Variants in AK5 observed in about 807,000 individuals in gnomAD.
The protein encoded by AK5 is adenylate kinase 5, also known as adenylate kinase isoenzyme 5.
AK5 carries 27 observed loss-of-function variants against 69.5 expected under a neutral mutation model. The ratio of observed to expected loss-of-function variants is 0.39; its 90% CI spans 0.29 to 0.54. The LOEUF is 0.54. Ranked by LOEUF, AK5 falls within the 20% of genes least tolerant of loss-of-function variation. AK5 has a pLI of 0.71. For missense variants in AK5, 531 were observed against 700.4 expected, an observed-to-expected ratio of 0.76 and a Z score of 2.73; for synonymous variants, 260 against 244.4, an observed-to-expected ratio of 1.06 and a Z score of -0.60.
chr1:77,462,570 G>A (rs535685008), intron 8 of AK5, among the ~76,000 whole-genome samples: 1 of 151,592 alleles, frequency 6.6e-6, no homozygotes, highest in East Asian at 1.9e-4. Context: ...TATAAAAATG[G>A]GATCACAGTA....
At chr1:77,335,471 G>T (rs1661300888) in intron 5 of AK5, among the ~76,000 whole-genome samples, 1 of 151,338 alleles carries the variant, frequency 6.6e-6, no homozygotes. Flanking sequence ...AGGATGCAAA[G>T]GATCTTATGA....
At chr1:77,351,636 C>T (rs1662206741) in intron 6 of AK5, among the ~76,000 whole-genome samples, 1 of 152,118 alleles carries the variant, frequency 6.6e-6, no homozygotes, top group Admixed American at 6.5e-5. Flanking sequence ...GCTGGGAAGC[C>T]ACAGCTATTG....
intron 3 of AK5, 39 bp downstream of exon 3, chr1:77,293,999 G>A (rs1336763218): frequency 3.2e-6 from 5 of 1,573,688 alleles, no homozygotes; most frequent in Non-Finnish European, 4.3e-6. Flanking sequence ...TACCGTTGCT[G>A]CCTTTGTTTA....
At chr1:77,452,890 C>T (rs906943773) in intron 8 of AK5, among the ~76,000 whole-genome samples, 1 of 152,144 alleles carries the variant, frequency 6.6e-6, no homozygotes, top group Non-Finnish European at 1.5e-5. Flanking sequence ...TTCATTTGAT[C>T]TCATTTTATC....
chr1:77,462,855 C>CCCTG (rs1375253487), intron 8 of AK5, among the ~76,000 whole-genome samples: 1 of 152,130 alleles, frequency 6.6e-6, no homozygotes, highest in Non-Finnish European at 1.5e-5. Context: ...ATAACTTGAA[C>CCCTG]CCTGCTTTAC....
At chr1:77,443,298 G>GTGT (rs1652445107) in intron 8 of AK5, among the ~76,000 whole-genome samples, 1 of 152,040 alleles carries the variant, frequency 6.6e-6, no homozygotes, top group Admixed American at 6.5e-5. Flanking sequence ...GTACTGACTC[G>GTGT]TATTACTCCC....
rs570415707 is a variant in AK5 at position 77,417,257 on chromosome 1, C to A, written c.983-382C>A. Among the ~76,000 whole-genome samples, 6 of 152,240 alleles carry A rather than the reference C, an allele frequency of 3.9e-5. No individual in the cohort carries two copies. In the East Asian group the frequency reaches 1.2e-3, roughly 29 times the overall value. The stretch of plus-strand genomic sequence containing the variant: ...GTTGCAAATCCTGAAACTGCTCCCC[C>A]TCCTGGACAACCTGTATTCACCCTC... On this transcript the variant is annotated intron_variant, in intron 7 of 13. Coordinates refer to ENST00000354567, the MANE Select transcript of AK5 (RefSeq NM_174858.3).
chr1:77,318,901 T>G (rs975435504), intron 5 of AK5, among the ~76,000 whole-genome samples: 1 of 152,186 alleles, frequency 6.6e-6, no homozygotes, highest in African/African-American at 2.4e-5. Context: ...TATTGCTGTG[T>G]CAGGTTCCAG....
At chr1:77,505,914 G>A (rs1210891032) in intron 10 of AK5, among the ~76,000 whole-genome samples, 2 of 151,260 alleles carry the variant, frequency 1.3e-5, no homozygotes, top group African/African-American at 4.9e-5. Context: ...ATAAATAGAA[G>A]GAAAAATAGA....
chr1:77,371,803 G>C (rs1392670097), intron 6 of AK5, among the ~76,000 whole-genome samples: 6 of 152,160 alleles, frequency 3.9e-5, no homozygotes, highest in African/African-American at 1.4e-4. Flanking sequence ...AAGAATAATG[G>C]AGGGAAAAGA....
chr1:77,459,315 C>T (rs1653688384), intron 8 of AK5, among the ~76,000 whole-genome samples: 1 of 152,156 alleles, frequency 6.6e-6, no homozygotes, highest in African/African-American at 2.4e-5. Context: ...TTGCTCACCT[C>T]TCCAGCCTGT....
intron 10 of AK5, among the ~76,000 whole-genome samples, chr1:77,512,578 A>C (rs557894361): frequency 2.1e-4 from 32 of 152,188 alleles, no homozygotes; most frequent in Non-Finnish European, 3.8e-4. Context: ...TACATGTGCT[A>C]GTTCAACCAT....
chr1:77,535,509 T>G (rs1346453403), intron 12 of AK5, among the ~76,000 whole-genome samples: 8 of 152,144 alleles, frequency 5.3e-5, no homozygotes, highest in Non-Finnish European at 1.2e-4. Context: ...CAGGAAAGGC[T>G]TCACATTAGA....
At chr1:77,461,030 GA>G (rs1406758876) in intron 8 of AK5, among the ~76,000 whole-genome samples, 1 of 146,180 alleles carries the variant, frequency 6.8e-6, no homozygotes, top group Admixed American at 6.9e-5. Flanking sequence ...GCCTGTATGT[GA>G]AATTTTTTTT....
intron 6 of AK5, among the ~76,000 whole-genome samples, chr1:77,351,381 C>T (rs1473036020): frequency 6.6e-6 from 1 of 152,082 alleles, no homozygotes; most frequent in Non-Finnish European, 1.5e-5. Context: ...GGCAACAGAG[C>T]AAGACCCTGT....
chr1:77,537,552 T>A (rs1212870864), intron 13 of AK5, among the ~76,000 whole-genome samples: 1 of 151,582 alleles, frequency 6.6e-6, no homozygotes, highest in Non-Finnish European at 1.5e-5. Context: ...TCCATAAGGA[T>A]GACAGAGTGA....
At chr1:77,367,745 G>A (rs866081530) in intron 6 of AK5, among the ~76,000 whole-genome samples, 1 of 6,740 alleles carries the variant, frequency 1.5e-4, no homozygotes, top group Non-Finnish European at 3.2e-4. Context: ...TACGTTATAT[G>A]TTATATATGT....
At chr1:77,402,341 A>T (rs1158026873) in intron 6 of AK5, among the ~76,000 whole-genome samples, 2 of 152,002 alleles carry the variant, frequency 1.3e-5, no homozygotes, top group Non-Finnish European at 2.9e-5. Flanking sequence ...CATGTGCACA[A>T]CGTGCAGGTT....
At chr1:77,418,284 T>G (rs1036163857) in intron 8 of AK5, among the ~76,000 whole-genome samples, 1 of 152,314 alleles carries the variant, frequency 6.6e-6, no homozygotes, top group East Asian at 1.9e-4. Context: ...GGGAAACTCC[T>G]GATTTTAAAA....
Sources: allele counts gnomAD v4.1 joint callset (sites outside exome capture counted in the v4.1 genomes callset), GRCh38; gene constraint gnomAD v4.1.1; transcripts MANE v1.5; gene names NCBI Gene and HGNC (gene_info 2026-07-23, HGNC 2026-07-21).